Variants in TSEN54 observed in about 807,000 individuals in gnomAD.
The protein encoded by TSEN54 is tRNA splicing endonuclease subunit 54, also known as tRNA-splicing endonuclease subunit Sen54.
Under a neutral mutation model 61.9 loss-of-function variants are expected in TSEN54, and 55 were observed. That is an observed-to-expected ratio of 0.89 (90% CI 0.72 to 1.11). TSEN54 has a LOEUF of 1.11. Ranked by LOEUF, TSEN54 falls within the 50% of genes most tolerant of loss-of-function variation. The probability of loss-of-function intolerance (pLI) is 0.00; values close to 1 mark genes in which losing one functional copy is unlikely to be tolerated. For synonymous variants in TSEN54, 304 were observed against 288.7 expected, an observed-to-expected ratio of 1.05 and a Z score of -0.54; for missense variants, 760 against 687.7, an observed-to-expected ratio of 1.11 and a Z score of -1.18.
Position 75,522,047 on chromosome 17 carries a change from GC to G in TSEN54, c.967del (p.Leu323SerfsTer19). 6.3e-7 allele frequency: 1 copy of G among 1,590,080 alleles called. No individual in the cohort carries two copies. The highest frequency in any genetic ancestry group is 8.6e-7 in the Non-Finnish European group (1 of 1,168,720). ...TLLRAPAPELLPANVAGRETD... is the reference protein window; with the variant it reads ...TLLRAPAPELXPANVAGRETD... ...TTCTGCGCGCCCCAGCCCCAGAGCTGCTCCCGGCCAACGTGGCTGGGCGGGA... is the reference window on the plus strand; with the variant it reads ...TTCTGCGCGCCCCAGCCCCAGAGCTGTCCCGGCCAACGTGGCTGGGCGGGA... On this transcript the variant is annotated frameshift_variant, in exon 8 of 11. Coordinates refer to ENST00000333213, the MANE Select transcript of TSEN54 (RefSeq NM_207346.3). LOFTEE classifies it high-confidence loss of function.
In TSEN54 at chr17:75,521,901, G is replaced by T. The variant is rs762725861; in HGVS notation, c.820G>T (p.Gly274Trp). The T allele has an allele frequency of 9.3e-6, 15 of 1,609,944 alleles. No homozygotes were observed. The Admixed American group carries it at 1.2e-4, about 13-fold the overall frequency. Residue 274 changes from glycine (G) to tryptophan (W), a missense_variant, in exon 8 of 11, where the codon GGG becomes TGG. This residue lies in a region of TSEN54 where 667 missense variants were observed against 577.8 expected (regional missense o/e 1.15). Transcript: ENST00000333213. ...LGPSPGPARE[G>W]VGCSWESGRA... ...CCCCAGCCCTGGCCCGGCCAGGGAG[G>T]GGGTGGGGTGCAGCTGGGAGAGTGG...
chr17:75,523,567 G>A (rs763732778), intron 9 of TSEN54, 96 bp from the exon 10 acceptor site: 35 of 1,613,074 alleles, frequency 2.2e-5, no homozygotes, highest in Non-Finnish European at 2.8e-5. Flanking sequence ...ACCTCTGTGA[G>A]GCTGCTTCCT....
intron 6 of TSEN54, among the ~76,000 whole-genome samples, chr17:75,520,597 C>CAAAAAAAAAAAAAA (rs1555644338): frequency 2.6e-5 from 3 of 114,644 alleles, no homozygotes; most frequent in Admixed American, 8.2e-5. Context: ...AAAAAAAAAG[C>CAAAAAAAAAAAAAA]AAACTTAAAT....
At chr17:75,516,980 G>A (rs771898461) in intron 2 of TSEN54, 29 bp from the exon 3 acceptor site, 355 of 1,561,974 alleles carry the variant, frequency 2.3e-4, no homozygotes, top group Middle Eastern at 5.1e-4. Flanking sequence ...GGAATGGACT[G>A]ACGCAGACCC....
At chr17:75,517,139 A>G in intron 3 of TSEN54, 22 bp from the exon 4 acceptor site, 1 of 1,512,186 alleles carries the variant, frequency 6.6e-7, no homozygotes, top group Admixed American at 1.8e-5. Context: ...CCCTTGTGAC[A>G]CTTGCTCTGG....
intron 5 of TSEN54, among the ~76,000 whole-genome samples, chr17:75,517,960 TCTCA>T (rs1430526220): frequency 6.6e-6 from 1 of 151,852 alleles, no homozygotes; most frequent in Non-Finnish European, 1.5e-5. Context: ...AATAGATGAA[TCTCA>T]GAAATATTTT....
chr17:75,518,747 G>GA, intron 5 of TSEN54: 4 of 985,390 alleles, frequency 4.1e-6, no homozygotes, highest in Non-Finnish European at 4.8e-6. Context: ...ATGGCTATCA[G>GA]TTTTTTTGGA....
chr17:75,523,877 C>T, intron 10 of TSEN54, 98 bp downstream of exon 10: 1 of 1,359,074 alleles, frequency 7.4e-7, no homozygotes, highest in South Asian at 1.2e-5. Flanking sequence ...GCGTGCCAAT[C>T]TCTGAGAGGA....
intron 3 of TSEN54, 35 bp from the exon 4 acceptor site, chr17:75,517,126 C>T (rs1231257335): frequency 2.2e-6 from 3 of 1,385,150 alleles, no homozygotes; most frequent in Non-Finnish European, 3.0e-6. Context: ...CCCTGCCCTC[C>T]CTCCCTTGTG....
At position 75,517,797 on chromosome 17, in the gene TSEN54, TGTG is replaced by T. The variant is rs981583669; in HGVS notation, c.468+150_468+152del. On this transcript the variant is annotated intron_variant, in intron 5 of 10. Transcript: ENST00000333213. ...GGCTATGCTGTCACGAGGCTTACAT[TGTG>T]GTGGTGGCCTGTTGGCTTCACATAG... The T allele has an allele frequency of 2.1e-5, 16 of 754,500 alleles. No individual in the cohort carries two copies. The Admixed American group carries it at 2.2e-4, about 10-fold the overall frequency. The allele number at this position is 754,500 out of a possible 1,614,324, so 46.7% of individuals were successfully genotyped here.
intron 6 of TSEN54, among the ~76,000 whole-genome samples, chr17:75,519,828 C>G (rs535155549): frequency 6.6e-6 from 1 of 152,308 alleles, no homozygotes; most frequent in East Asian, 1.9e-4. Context: ...CCGCCTCAGC[C>G]TCCCAAAGTG....
chr17:75,524,448 G>A lies in TSEN54; in HGVS notation c.*36G>A. On this transcript the variant is annotated 3_prime_UTR_variant, in exon 11 of 11. Coordinates refer to ENST00000333213, the MANE Select transcript of TSEN54 (RefSeq NM_207346.3). ...CTGCAGAGGATGGAGCTTGCTCCGG[G>A]GGACCGGGACTGTCTGTTCTCAGGG... The A allele has an allele frequency of 1.2e-6, 2 of 1,613,154 alleles. No individual in the cohort carries two copies. The highest frequency in any genetic ancestry group is 1.7e-6 in the Non-Finnish European group (2 of 1,179,882).
In TSEN54 at chr17:75,519,156, A is replaced by G. The variant is rs55786842; in HGVS notation, c.521+109A>G. On this transcript the variant is annotated intron_variant, in intron 6 of 10. Coordinates refer to ENST00000333213, the MANE Select transcript of TSEN54 (RefSeq NM_207346.3). Reference sequence around the variant, plus strand: ...TACCTGGAACCCTTGGCTGGAGTGCAGTTCCTTGGGCACAGACTGGGGGCG... The same window carrying G: ...TACCTGGAACCCTTGGCTGGAGTGCGGTTCCTTGGGCACAGACTGGGGGCG... 0.2 allele frequency: 257,618 copies of G among 1,296,206 alleles called. 27,890 individuals are homozygous for G. The highest frequency in any genetic ancestry group is 0.33 in the African/African-American group (22,465 of 68,606). The allele number at this position is 1,296,206 out of a possible 1,614,324, so 80.3% of individuals were successfully genotyped here.
chr17:75,523,081 A>C, intron 8 of TSEN54, 194 bp from the exon 9 acceptor site: 1 of 669,920 alleles, frequency 1.5e-6, no homozygotes, highest in South Asian at 1.6e-5. Flanking sequence ...CAGGAGGCTG[A>C]GACAGGAGAA....
rs1239973179 is a variant in TSEN54 at position 75,516,873 on chromosome 17, C to A, written c.184C>A (p.Leu62Ile). The change falls in exon 2 of 11, where the codon CTC becomes ATC. Residue 62 changes from leucine to isoleucine, a missense_variant. Physicochemically the swap from Leu to Ile is conservative, Grantham distance 5. Transcript: ENST00000333213. ...AERLRRCREE[L>I]WQLLAEQRVE... ...GCGGCTGCGCCGGTGCCGGGAAGAG[C>A]TCTGGCAGCTGCTGGCAGAGCAGCG... is the stretch of plus-strand genomic sequence containing the variant. 1 of 1,561,372 alleles carries A rather than the reference C, an allele frequency of 6.4e-7. No individual in the cohort carries two copies. Among genetic ancestry groups the A allele is most frequent in the Non-Finnish European group, 8.6e-7 (1 of 1,160,114 alleles).
chr17:75,516,864 C>T lies in TSEN54; in HGVS notation c.175C>T (p.Arg59Trp). The T allele has an allele frequency of 6.4e-7, 1 of 1,568,044 alleles. No homozygotes were observed. The highest frequency in any genetic ancestry group is 1.4e-5 in the African/African-American group (1 of 73,878). The change falls in exon 2 of 11, where the codon CGG (arginine) becomes TGG (tryptophan). Residue 59 changes from arginine to tryptophan, a missense_variant. Arg to Trp is a moderately radical substitution (Grantham distance 101). Transcript: ENST00000333213. ...TCAGGCCGAGCGGCTGCGCCGGTGC[C>T]GGGAAGAGCTCTGGCAGCTGCTGGC... ...AAQAERLRRC[R>W]EELWQLLAEQ... is the part of the protein sequence containing the mutation.
rs369805010 is a variant in TSEN54, at chr17:75,522,248, G to A, written c.1167G>A (p.Gln389=). ...ACAAGGAGCTGCTGCAGCGGCGGCA[G>A]GTGCAGAGGAGCCAGCGCCGGGCCC... The part of the protein sequence containing the change: ...REYKELLQRR[Q]VQRSQRRAPH... Residue 389 remains glutamine (Q), a synonymous_variant, in exon 8 of 11, where the codon CAG becomes CAA. Coordinates refer to ENST00000333213, the MANE Select transcript of TSEN54 (RefSeq NM_207346.3). 3 of 1,547,450 alleles carry A rather than the reference G, an allele frequency of 1.9e-6. No homozygotes were observed. The highest frequency in any genetic ancestry group is 3.9e-5 in the Admixed American group (2 of 51,026).
chr17:75,519,926 C>T (rs911864889), intron 6 of TSEN54, among the ~76,000 whole-genome samples: 5 of 152,136 alleles, frequency 3.3e-5, no homozygotes, highest in Non-Finnish European at 7.4e-5. Context: ...TAATCGTGGA[C>T]GTGTACAGTG....
At position 75,516,568 on chromosome 17, in the gene TSEN54, C is replaced by CGGAG; in HGVS notation, c.8_9insGGAG (p.Pro5ArgfsTer178). 22 of 1,147,530 alleles carry CGGAG rather than the reference C, an allele frequency of 1.9e-5. No homozygotes were observed. Among genetic ancestry groups the CGGAG allele is most frequent in the Non-Finnish European group, 2.4e-5 (22 of 935,704 alleles). 71.1% of individuals were successfully genotyped at this position (1,147,530 alleles called of 1,614,324 possible). On this transcript the variant is annotated frameshift_variant, in exon 1 of 11. Transcript: ENST00000333213. LOFTEE classifies it high-confidence loss of function. ...GCGGCAGGCGGCGGCGGGATGGAGC[C>CGGAG]CGAGCCCGAGCCCGCGGCCGTGGAG... is the stretch of plus-strand genomic sequence containing the variant.
Sources: allele counts gnomAD v4.1 joint callset (sites outside exome capture counted in the v4.1 genomes callset), GRCh38; gene constraint gnomAD v4.1.1; regional missense constraint gnomAD v4.1.1; transcripts MANE v1.5; gene names NCBI Gene and HGNC (gene_info 2026-07-23, HGNC 2026-07-21).